Variants in RNF2 observed in about 807,000 individuals in gnomAD.
The protein encoded by RNF2 is ring finger protein 2.
Under a neutral mutation model 37.2 loss-of-function variants are expected in RNF2, and 6 were observed. The ratio of observed to expected loss-of-function variants is 0.16; its 90% confidence interval spans 0.09 to 0.32. The LOEUF (loss-of-function observed/expected upper bound fraction) is 0.32. Among genes scored for constraint, RNF2 ranks in the 10% least tolerant of loss-of-function variants. The pLI is 1.00. For missense variants in RNF2, 251 were observed against 404.0 expected (o/e 0.62, Z 3.25); for synonymous variants, 133 against 132.7 (o/e 1.00, Z -0.02).
rs191276268 is a variant in RNF2, at chr1:185,062,021, A to G, written c.-3+16372A>G. Among the ~76,000 whole-genome samples the G allele has an allele frequency of 3.5e-4, 54 of 152,368 alleles. 1 individual carries two copies. In the East Asian group the frequency reaches 0.01, roughly 28 times the overall value. The stretch of plus-strand genomic sequence containing the variant: ...GAAAATTTGTGCTTACTCCTGTTTC[A>G]GTAACCAGTATTCCTGTAATCAAGT... On this transcript the variant is annotated intron_variant, in intron 1 of 6. Transcript: ENST00000367510.
intron 6 of RNF2, 28 bp from the exon 7 acceptor site, chr1:185,100,172 A>AT: frequency 6.6e-7 from 1 of 1,516,662 alleles, no homozygotes; most frequent in Non-Finnish European, 9.0e-7. Flanking sequence ...TGCAGTTTTC[A>AT]TAATTTTTTC....
At chr1:185,060,357 A>T (rs185035535) in intron 1 of RNF2, among the ~76,000 whole-genome samples, 26 of 152,260 alleles carry the variant, frequency 1.7e-4, no homozygotes, top group Non-Finnish European at 3.7e-4. Flanking sequence ...GGCAGTCAAC[A>T]GTCAGTAGTA....
In RNF2 at chr1:185,072,343, T is replaced by G. The variant is rs115769201; in HGVS notation, c.-2-15209T>G. Among the ~76,000 whole-genome samples, 569 of 152,284 alleles carry G rather than the reference T, an allele frequency of 3.7e-3. 6 individuals are homozygous for G. The highest frequency in any genetic ancestry group is 0.013 in the African/African-American group (540 of 41,556). ...TTTATTCATCACCATTGATGAGTTC[T>G]TAAGCAAATATTTATTGAATGACTA... On this transcript the variant is annotated intron_variant, in intron 1 of 6. Coordinates refer to ENST00000367510, the MANE Select transcript of RNF2 (RefSeq NM_007212.4).
At chr1:185,053,755 A>G (rs1291841490) in intron 1 of RNF2, among the ~76,000 whole-genome samples, 1 of 152,210 alleles carries the variant, frequency 6.6e-6, no homozygotes, top group African/African-American at 2.4e-5. Flanking sequence ...GTGGTACGTA[A>G]TAGGCTCTCA....
Position 185,101,770 on chromosome 1 carries a change from T to TA in RNF2, c.*1472dup, listed in dbSNP as rs749777852. On this transcript the variant is annotated 3_prime_UTR_variant, in exon 7 of 7. Coordinates refer to ENST00000367510, the MANE Select transcript of RNF2 (RefSeq NM_007212.4). ...AAATCTTCAGCCCGGTATGAAAACT[T>TA]AAAGGTATATATTCAATTTTTTACC... is the stretch of plus-strand genomic sequence containing the variant. The TA allele has an allele frequency of 3.9e-5, 6 of 151,936 alleles. No individual in the cohort carries two copies. The highest frequency in any genetic ancestry group is 7.4e-5 in the Non-Finnish European group (5 of 67,890). The allele number at this position is 151,936 out of a possible 1,614,324, so 9.4% of individuals were successfully genotyped here.
At chr1:185,049,064 A>G (rs1383837043) in intron 1 of RNF2, among the ~76,000 whole-genome samples, 1 of 152,132 alleles carries the variant, frequency 6.6e-6, no homozygotes, top group Non-Finnish European at 1.5e-5. Flanking sequence ...CGTCTCTACT[A>G]AAAATACAAA....
Position 185,100,554 on chromosome 1 carries a change from T to TC in RNF2, c.*257dup, listed in dbSNP as rs200104377. 33 of 274,038 alleles carry TC rather than the reference T, an allele frequency of 1.2e-4. No homozygotes were observed. Among genetic ancestry groups the TC allele is most frequent in the Admixed American group, 3.2e-4 (6 of 18,960 alleles). 17.0% of individuals were successfully genotyped at this position (274,038 alleles called of 1,614,324 possible). On this transcript the variant is annotated 3_prime_UTR_variant, in exon 7 of 7. Transcript: ENST00000367510. ...CTGAAGTTTCTTGTGTTTTTTTTTT[T>TC]CCCCACAAAGTGTGTTTCCACTTGG...
intron 1 of RNF2, among the ~76,000 whole-genome samples, chr1:185,049,800 TA>T (rs1650224474): frequency 6.6e-6 from 1 of 152,104 alleles, no homozygotes; most frequent in African/African-American, 2.4e-5. Context: ...CTAGTACTTA[TA>T]AAGGCATGTG....
At chr1:185,070,638 CTTTTTTTTTTTT>C (rs893631238) in intron 1 of RNF2, among the ~76,000 whole-genome samples, 1 of 129,718 alleles carries the variant, frequency 7.7e-6, no homozygotes, top group Non-Finnish European at 1.7e-5. Context: ...ATTTTCTTTT[CTTTTTTTTTTTT>C]TTTTTTGAGA....
At chr1:185,084,027 A>T (rs944973266) in intron 1 of RNF2, among the ~76,000 whole-genome samples, 5 of 150,336 alleles carry the variant, frequency 3.3e-5, no homozygotes, top group African/African-American at 1.2e-4. Flanking sequence ...CTGAAACTTT[A>T]AACTCCTGGG....
intron 2 of RNF2, among the ~76,000 whole-genome samples, chr1:185,091,252 T>C (rs1365763056): frequency 1.3e-5 from 2 of 152,244 alleles, no homozygotes; most frequent in Non-Finnish European, 1.5e-5. Flanking sequence ...TTAATTTGAC[T>C]AGAACTAGAT....
chr1:185,068,592 C>T lies in RNF2; in HGVS notation c.-2-18960C>T, dbSNP rs567238072. On this transcript the variant is annotated intron_variant, in intron 1 of 6. Transcript: ENST00000367510. ...ACCTGAAAGAGGTAAGGAACAGATTCTCCCCTAGGGCCTCTGGAAGCCAAG... is the reference window on the plus strand; with the variant it reads ...ACCTGAAAGAGGTAAGGAACAGATTTTCCCCTAGGGCCTCTGGAAGCCAAG... Among the ~76,000 whole-genome samples, 24 of 152,338 alleles carry T rather than the reference C, an allele frequency of 1.6e-4. 1 individual carries two copies. Among genetic ancestry groups the T allele is most frequent in the African/African-American group, 5.5e-4 (23 of 41,572 alleles).
intron 1 of RNF2, among the ~76,000 whole-genome samples, chr1:185,059,037 T>A (rs1211403855): frequency 1.3e-5 from 2 of 152,232 alleles, no homozygotes; most frequent in Non-Finnish European, 2.9e-5. Context: ...TTCCTCTTCC[T>A]GGTCCCTGGC....
At chr1:185,080,873 C>G (rs1018258913) in intron 1 of RNF2, among the ~76,000 whole-genome samples, 5 of 152,098 alleles carry the variant, frequency 3.3e-5, no homozygotes, top group Admixed American at 2.0e-4. Context: ...TATTAATTTT[C>G]CAGGGTAGCG....
intron 1 of RNF2, among the ~76,000 whole-genome samples, chr1:185,054,949 C>T (rs1017146642): frequency 5.9e-5 from 9 of 152,194 alleles, no homozygotes; most frequent in Non-Finnish European, 7.3e-5. Context: ...GTCCGCCTGC[C>T]TCGGCCTTCC....
Position 185,091,636 on chromosome 1 carries a change from T to C in RNF2, c.145T>C (p.Leu49=). The part of the protein sequence containing the change: ...VVSPRSLHSE[L]MCPICLDMLK... ...TTCACCTCGAAGTCTACACAGTGAATTAATGTGCCCAATTTGTTTGGATAT... is the reference window on the plus strand; with the variant it reads ...TTCACCTCGAAGTCTACACAGTGAACTAATGTGCCCAATTTGTTTGGATAT... The change falls in exon 3 of 7, where the codon TTA becomes CTA. Residue 49 remains leucine (L), a synonymous_variant. Coordinates refer to ENST00000367510, the MANE Select transcript of RNF2 (RefSeq NM_007212.4). 1 of 1,614,170 alleles carries C rather than the reference T, an allele frequency of 6.2e-7. No individual in the cohort carries two copies. Among genetic ancestry groups the C allele is most frequent in the Non-Finnish European group, 8.5e-7 (1 of 1,180,018 alleles).
chr1:185,097,198 T>G (rs1019064491), intron 4 of RNF2, among the ~76,000 whole-genome samples: 1 of 152,222 alleles, frequency 6.6e-6, no homozygotes, highest in Non-Finnish European at 1.5e-5. Context: ...CAAGATTGTA[T>G]GTATAAAGTG....
chr1:185,090,551 C>A (rs1213545401), intron 2 of RNF2, among the ~76,000 whole-genome samples: 1 of 152,158 alleles, frequency 6.6e-6, no homozygotes, highest in Non-Finnish European at 1.5e-5. Flanking sequence ...CCTTTATGAA[C>A]AATAGCTATA....
chr1:185,047,695 A>G (rs1393221546), intron 1 of RNF2, among the ~76,000 whole-genome samples: 2 of 152,240 alleles, frequency 1.3e-5, no homozygotes, highest in African/African-American at 4.8e-5. Context: ...TGTTTCTAGT[A>G]TGACTTAAAG....
Sources: gnomAD v4.1 joint callset for allele counts (sites outside exome capture counted in the v4.1 genomes callset) on GRCh38, gnomAD v4.1.1 for gene constraint, MANE v1.5 for transcripts, NCBI Gene and HGNC (gene_info 2026-07-23, HGNC 2026-07-21) for gene names.